The following SLC39A11 variants were observed in gnomAD, a reference collection of about 807,000 sequenced individuals.
SLC39A11 encodes solute carrier family 39 member 11, also known as zinc transporter ZIP11.
SLC39A11 carries 33 observed loss-of-function variants against 36.1 expected under a neutral mutation model. The observed-to-expected ratio is 0.91, with a 90% CI of 0.69 to 1.22. The LOEUF (loss-of-function observed/expected upper bound fraction) is 1.22. SLC39A11 is among the 50% of genes most tolerant of loss of function. SLC39A11 has a pLI of 0.00. For synonymous variants in SLC39A11, 166 were observed against 170.3 expected (o/e 0.97, Z 0.20); for missense variants, 432 against 430.3 (o/e 1.00, Z -0.03).
At chr17:73,004,601 T>C (rs2090080907) in intron 4 of SLC39A11, among the ~76,000 whole-genome samples, 3 of 152,268 alleles carry the variant, frequency 2.0e-5, no homozygotes, top group Admixed American at 2.0e-4. Context: ...CTAGGTATCC[T>C]GCCAGGTTGG....
At chr17:72,864,838 G>C (rs2080221255) in intron 5 of SLC39A11, among the ~76,000 whole-genome samples, 1 of 152,114 alleles carries the variant, frequency 6.6e-6, no homozygotes, top group Non-Finnish European at 1.5e-5. Flanking sequence ...TATAAGTCTT[G>C]AAAAAGATAC....
At chr17:72,897,382 T>C (rs2082086806) in intron 5 of SLC39A11, among the ~76,000 whole-genome samples, 2 of 152,210 alleles carry the variant, frequency 1.3e-5, no homozygotes, top group South Asian at 4.1e-4. Flanking sequence ...CTAGCCACAC[T>C]TCGGGGCTTG....
intron 4 of SLC39A11, among the ~76,000 whole-genome samples, chr17:73,002,890 G>A (rs1427628069): frequency 1.3e-5 from 2 of 152,250 alleles, no homozygotes; most frequent in Admixed American, 1.3e-4. Flanking sequence ...CTATGGTCAT[G>A]TTGCCTCCTC....
chr17:72,955,326 ACTTT>A (rs1451153683), intron 4 of SLC39A11, among the ~76,000 whole-genome samples: 5 of 13,968 alleles, frequency 3.6e-4, no homozygotes, highest in African/African-American at 1.1e-3. Context: ...TTTGTTTGAG[ACTTT>A]CTTGTTCTGT....
At chr17:72,689,164 C>T (rs1417448815) in intron 7 of SLC39A11, among the ~76,000 whole-genome samples, 1 of 151,958 alleles carries the variant, frequency 6.6e-6, no homozygotes, top group African/African-American at 2.4e-5. Flanking sequence ...GGTGGCTGGC[C>T]CGATGCTCGA....
At chr17:72,682,092 G>A (rs1313629809) in intron 7 of SLC39A11, among the ~76,000 whole-genome samples, 1 of 145,312 alleles carries the variant, frequency 6.9e-6, no homozygotes, top group African/African-American at 2.8e-5. Flanking sequence ...ACCCTATCGT[G>A]AACCGCACAT....
intron 6 of SLC39A11, among the ~76,000 whole-genome samples, chr17:72,846,351 A>G (rs12948359): frequency 0.39 from 59,821 of 152,062 alleles, 12,035 homozygotes; most frequent in East Asian, 0.66. Flanking sequence ...TTGAAAAAAT[A>G]CTTTTGCATC....
At chr17:73,091,162 T>A (rs1324015426) in intron 1 of SLC39A11, among the ~76,000 whole-genome samples, 1 of 152,172 alleles carries the variant, frequency 6.6e-6, no homozygotes, top group Non-Finnish European at 1.5e-5. Context: ...GCGCAGTGGC[T>A]CATGCCTGTA....
intron 6 of SLC39A11, chr17:72,837,837 T>C: frequency 1.3e-6 from 1 of 777,296 alleles, no homozygotes; most frequent in Non-Finnish European, 1.7e-6. Context: ...TCAGTCCCGG[T>C]TAGGGAAACT....
At chr17:73,049,603 T>A (rs2059428438) in intron 3 of SLC39A11, among the ~76,000 whole-genome samples, 1 of 152,168 alleles carries the variant, frequency 6.6e-6, no homozygotes, top group African/African-American at 2.4e-5. Flanking sequence ...TAGGGGCAGT[T>A]AAAGAATCTC....
intron 7 of SLC39A11, among the ~76,000 whole-genome samples, chr17:72,734,424 G>T (rs2074342074): frequency 6.6e-6 from 1 of 152,054 alleles, no homozygotes; most frequent in South Asian, 2.1e-4. Flanking sequence ...TGCCCCTCAG[G>T]CTGTGACAAT....
At chr17:73,051,230 T>C (rs998584188) in intron 3 of SLC39A11, among the ~76,000 whole-genome samples, 6 of 152,188 alleles carry the variant, frequency 3.9e-5, no homozygotes, top group Non-Finnish European at 7.3e-5. Flanking sequence ...ACCTGTCTGT[T>C]TGTCTGTGTC....
chr17:72,853,250 A>T (rs551543311), intron 5 of SLC39A11, among the ~76,000 whole-genome samples: 2 of 149,274 alleles, frequency 1.3e-5, no homozygotes, highest in Non-Finnish European at 3.0e-5. Flanking sequence ...CTGGTCTTGA[A>T]TTCCTGGACT....
chr17:72,938,954 G>A (rs1260332207), intron 5 of SLC39A11, among the ~76,000 whole-genome samples: 1 of 152,188 alleles, frequency 6.6e-6, no homozygotes, highest in Non-Finnish European at 1.5e-5. Flanking sequence ...GGCTCCAGAT[G>A]AATTAAGTGG....
intron 5 of SLC39A11, among the ~76,000 whole-genome samples, chr17:72,932,237 T>C (rs920221253): frequency 6.6e-6 from 1 of 151,786 alleles, no homozygotes; most frequent in African/African-American, 2.4e-5. Flanking sequence ...AGAATTTAAA[T>C]CCAGTTTCTT....
intron 4 of SLC39A11, among the ~76,000 whole-genome samples, chr17:72,950,294 T>TCCCCTTTGGGTA (rs1485304885): frequency 3.3e-5 from 5 of 152,210 alleles, no homozygotes; most frequent in African/African-American, 1.2e-4. Flanking sequence ...AAGTTTTCAG[T>TCCCCTTTGGGTA]CCCCTTTGGG....
chr17:72,937,656 G>T (rs570101899), intron 5 of SLC39A11, among the ~76,000 whole-genome samples: 46 of 152,064 alleles, frequency 3.0e-4, no homozygotes, highest in Non-Finnish European at 1.0e-4. Flanking sequence ...CATACAAAAC[G>T]ACCTCATATT....
intron 7 of SLC39A11, among the ~76,000 whole-genome samples, chr17:72,659,501 G>C (rs913291381): frequency 1.4e-5 from 2 of 148,100 alleles, no homozygotes; most frequent in Non-Finnish European, 3.0e-5. Context: ...CCAAGTCCAA[G>C]CCAACATACA....
At chr17:73,027,040 G>T (rs1967112) in intron 4 of SLC39A11, among the ~76,000 whole-genome samples, 138,791 of 152,154 alleles carry the variant, frequency 0.91, 64,113 homozygotes, top group Middle Eastern at 0.99. Flanking sequence ...GAGGATCACT[G>T]GATCCCAGGA....
Sources: allele counts gnomAD v4.1 joint callset (sites outside exome capture counted in the v4.1 genomes callset), GRCh38; gene constraint gnomAD v4.1.1; transcripts MANE v1.5; gene names NCBI Gene and HGNC (gene_info 2026-07-23, HGNC 2026-07-21).